CNIH3: variants seen among roughly 807,000 people sequenced by gnomAD.
The protein encoded by CNIH3 is protein cornichon homolog 3.
A neutral mutation model predicts 24.1 loss-of-function variants in CNIH3; 14 were observed. That is an observed-to-expected ratio of 0.58 (90% CI 0.38 to 0.91). CNIH3 has a LOEUF of 0.91. Among genes scored for constraint, CNIH3 ranks in the 40% least tolerant of loss-of-function variants. The pLI is 0.00. For synonymous variants in CNIH3, 68 were observed against 73.8 expected (o/e 0.92, Z 0.40); for missense variants, 178 against 196.8 (o/e 0.90, Z 0.57).
intron 1 of CNIH3, among the ~76,000 whole-genome samples, chr1:224,631,039 A>T (rs1392019924): frequency 2.0e-5 from 3 of 152,098 alleles, no homozygotes; most frequent in African/African-American, 7.2e-5. Flanking sequence ...CGTGCCTGTC[A>T]TCCCAGCTAC....
At position 224,698,648 on chromosome 1, in the gene CNIH3, T is replaced by C. The variant is rs191633458; in HGVS notation, c.198+13805T>C. 4.6e-5 allele frequency among the ~76,000 whole-genome samples: 7 copies of C among 152,350 alleles called. 1 individual carries two copies. The East Asian group carries it at 1.3e-3, about 29-fold the overall frequency. On this transcript the variant is annotated intron_variant, in intron 3 of 5. Transcript: ENST00000272133. The stretch of plus-strand genomic sequence containing the variant: ...GCCAATGCTGGGTCATTCTGAGTTA[T>C]TGATAATGTATTTCAAGCACACATA...
chr1:224,693,777 G>A lies in CNIH3; in HGVS notation c.198+8934G>A, dbSNP rs1687041507. On this transcript the variant is annotated intron_variant, in intron 3 of 5. Coordinates refer to ENST00000272133, the MANE Select transcript of CNIH3 (RefSeq NM_152495.2). ...AGGATCGTATCAGGAAGTAGCAAAT[G>A]TTAGAGTCTGCTGGTCTCCAGTATT... Among the ~76,000 whole-genome samples, 5 of 152,366 alleles carry A rather than the reference G, an allele frequency of 3.3e-5. No individual in the cohort carries two copies. The South Asian group carries it at 8.3e-4, about 25-fold the overall frequency.
intron 1 of CNIH3, among the ~76,000 whole-genome samples, chr1:224,658,059 T>C: frequency 6.6e-6 from 1 of 152,254 alleles, no homozygotes; most frequent in South Asian, 2.1e-4. Flanking sequence ...GACAATGCTT[T>C]GTATATAATG....
intron 3 of CNIH3, among the ~76,000 whole-genome samples, chr1:224,563,731 A>G (rs1680470706): frequency 6.6e-6 from 1 of 152,180 alleles, no homozygotes; most frequent in Non-Finnish European, 1.5e-5. Context: ...AGCTCCTTCC[A>G]TTCTAGGATT....
intron 1 of CNIH3, among the ~76,000 whole-genome samples, chr1:224,649,871 T>C (rs1049406789): frequency 6.6e-6 from 1 of 152,344 alleles, no homozygotes; most frequent in African/African-American, 2.4e-5. Context: ...TCGAGGAGAA[T>C]GTGTGCAAGC....
intron 1 of CNIH3, among the ~76,000 whole-genome samples, chr1:224,649,306 T>C (rs1684759229): frequency 6.6e-6 from 1 of 152,052 alleles, no homozygotes; most frequent in African/African-American, 2.4e-5. Flanking sequence ...GCCGGTGGTC[T>C]CCGAGAGCTG....
At chr1:224,631,921 A>G (rs1181868240) in intron 1 of CNIH3, among the ~76,000 whole-genome samples, 1 of 152,212 alleles carries the variant, frequency 6.6e-6, no homozygotes, top group East Asian at 1.9e-4. Context: ...GGTCCCCTAT[A>G]TAATAGAGAC....
chr1:224,522,851 A>G (rs1678694764), intron 2 of CNIH3, among the ~76,000 whole-genome samples: 1 of 152,244 alleles, frequency 6.6e-6, no homozygotes, highest in Admixed American at 6.5e-5. Context: ...ACAGTGTGGC[A>G]TTATCTATTA....
At chr1:224,441,229 A>C (rs1042534403) in intron 1 of CNIH3, among the ~76,000 whole-genome samples, 1 of 152,230 alleles carries the variant, frequency 6.6e-6, no homozygotes, top group Non-Finnish European at 1.5e-5. Flanking sequence ...TTTTAAAAGA[A>C]CACTCAAAAA....
At chr1:224,519,392 C>T (rs545894050) in intron 1 of CNIH3, among the ~76,000 whole-genome samples, 1 of 152,190 alleles carries the variant, frequency 6.6e-6, no homozygotes, top group African/African-American at 2.4e-5. Flanking sequence ...GGCCTTCAGA[C>T]TAGGACGGAA....
intron 3 of CNIH3, among the ~76,000 whole-genome samples, chr1:224,693,908 C>T (rs571727151): frequency 4.6e-5 from 7 of 152,362 alleles, no homozygotes; most frequent in Middle Eastern, 3.4e-3. Context: ...AAGATCTGCT[C>T]CAGTAGTTCT....
intron 1 of CNIH3, among the ~76,000 whole-genome samples, chr1:224,484,023 T>A (rs947617992): frequency 6.6e-6 from 1 of 151,998 alleles, no homozygotes; most frequent in African/African-American, 2.4e-5. Context: ...ATACAAAAAT[T>A]AGCCGGGTGT....
At chr1:224,579,131 C>A (rs1156793286) in intron 4 of CNIH3, among the ~76,000 whole-genome samples, 2 of 150,464 alleles carry the variant, frequency 1.3e-5, no homozygotes, top group Non-Finnish European at 3.0e-5. Flanking sequence ...TGATTTCTTC[C>A]ATTTTAACAT....
intron 1 of CNIH3, among the ~76,000 whole-genome samples, chr1:224,488,630 T>A (rs1677124934): frequency 1.3e-5 from 2 of 152,168 alleles, no homozygotes; most frequent in South Asian, 4.1e-4. Context: ...CATGCCCGGC[T>A]AATTTTTCAA....
At chr1:224,690,067 G>A (rs1470946887) in intron 3 of CNIH3, among the ~76,000 whole-genome samples, 1 of 152,150 alleles carries the variant, frequency 6.6e-6, no homozygotes, top group Non-Finnish European at 1.5e-5. Context: ...GTGGTTCGAG[G>A]AAATTAACTT....
At position 224,442,986 on chromosome 1, in the gene CNIH3, A is replaced by G. The variant is rs146868259; in HGVS notation, n.203+8124A>G. Among the ~76,000 whole-genome samples, 31 of 152,304 alleles carry G rather than the reference A, an allele frequency of 2.0e-4. No homozygotes were observed. The South Asian group carries it at 4.8e-3, about 23-fold the overall frequency. ...TCATTAACCTAATTAGTAGTAGGTA[A>G]GTAAGCCCATTAGGGACACTAAAAG... On this transcript the variant is annotated intron_variant and non_coding_transcript_variant, in intron 1 of 5. Coordinates refer to the CNIH3 transcript ENST00000471578.
downstream of CNIH3, among the ~76,000 whole-genome samples, chr1:224,538,852 G>A (rs78989203): frequency 0.058 from 2,880 of 49,662 alleles, 100 homozygotes; most frequent in African/African-American, 0.19. Flanking sequence ...TTTTTTTTTT[G>A]TAGAGATGGT....
Position 224,604,789 on chromosome 1 carries a change from T to C in CNIH3, n.402+38525T>C, listed in dbSNP as rs1048431733. 6.6e-6 allele frequency among the ~76,000 whole-genome samples: 1 copy of C among 152,206 alleles called. No individual in the cohort carries two copies. Among genetic ancestry groups the C allele is most frequent in the African/African-American group, 2.4e-5 (1 of 41,456 alleles). ...GACATGCCCCAGCTCGCCTGTGTTA[T>C]AGCTTATACCCACATTTGGTGGTTC... On this transcript the variant is annotated intron_variant and non_coding_transcript_variant, in intron 3 of 7. Coordinates refer to the CNIH3 transcript ENST00000478120. The surrounding 1 kb of genome is among the most constrained non-coding windows in gnomAD (Gnocchi z 4.4).
intron 3 of CNIH3, among the ~76,000 whole-genome samples, chr1:224,599,818 T>C (rs1230569330): frequency 6.6e-6 from 1 of 152,216 alleles, no homozygotes; most frequent in Non-Finnish European, 1.5e-5. Flanking sequence ...TTACTAAGGC[T>C]AATTCTCTAA....
Sources: gnomAD v4.1 joint callset for allele counts (sites outside exome capture counted in the v4.1 genomes callset) on GRCh38, gnomAD v4.1.1 for gene constraint, Gnocchi (gnomAD v3.1) non-coding constraint, MANE v1.5 for transcripts, NCBI Gene and HGNC (gene_info 2026-07-23, HGNC 2026-07-21) for gene names.